The following MYO9A variants were observed in gnomAD, a reference collection of about 807,000 sequenced individuals.
MYO9A encodes myosin IXA.
MYO9A carries 103 observed loss-of-function variants against 293.3 expected under a neutral mutation model. That is an observed-to-expected ratio of 0.35 (90% CI 0.30 to 0.41). The LOEUF (loss-of-function observed/expected upper bound fraction) is 0.41, where lower values mean the gene tolerates loss of function less well. Ranked by LOEUF, MYO9A falls within the 10% of genes least tolerant of loss-of-function variation. MYO9A has a pLI of 1.00. For synonymous variants in MYO9A, 1,001 were observed against 1,035.7 expected (o/e 0.97, Z 0.64); for missense variants, 2,685 against 3,033.0 (o/e 0.89, Z 2.69).
chr15:71,971,134 C>G (rs1051933931), intron 12 of MYO9A, among the ~76,000 whole-genome samples: 1 of 150,970 alleles, frequency 6.6e-6, no homozygotes, highest in Non-Finnish European at 1.5e-5. Flanking sequence ...GCACTCCAGC[C>G]TGGGCGACAG....
At chr15:71,851,981 G>T in intron 36 of MYO9A, 151 bp downstream of exon 36, 2 of 898,194 alleles carry the variant, frequency 2.2e-6, no homozygotes, top group East Asian at 2.8e-5. Flanking sequence ...ATAGGTGACA[G>T]TATACTAGCC....
chr15:72,093,144 A>G (rs1368550700), intron 1 of MYO9A, among the ~76,000 whole-genome samples: 2 of 152,362 alleles, frequency 1.3e-5, no homozygotes, highest in Admixed American at 6.5e-5. Context: ...AAGATCACAT[A>G]GAGAATATAA....
intron 40 of MYO9A, among the ~76,000 whole-genome samples, chr15:71,829,694 T>C (rs2054639126): frequency 6.6e-6 from 1 of 152,126 alleles, no homozygotes; most frequent in Non-Finnish European, 1.5e-5. Flanking sequence ...GACTTTGGCT[T>C]AGCCTAAGAA....
chr15:71,938,966 C>T (rs1347106610), intron 15 of MYO9A, 39 bp from the exon 16 acceptor site: 4 of 1,473,106 alleles, frequency 2.7e-6, no homozygotes, highest in Admixed American at 2.0e-5. Context: ...CAAATCAGTG[C>T]AAAGAAAAAT....
chr15:72,082,532 A>C (rs1596532650), intron 1 of MYO9A, among the ~76,000 whole-genome samples: 2 of 152,028 alleles, frequency 1.3e-5, no homozygotes, highest in African/African-American at 2.4e-5. Flanking sequence ...AATGCCCTTT[A>C]TTTCTTTCCC....
At chr15:72,082,143 TG>T (rs2079565566) in intron 1 of MYO9A, among the ~76,000 whole-genome samples, 1 of 152,240 alleles carries the variant, frequency 6.6e-6, no homozygotes, top group Non-Finnish European at 1.5e-5. Context: ...TTTAACAAAC[TG>T]ATTCTTCCTA....
At chr15:71,853,075 CAG>C (rs1313190241) in intron 35 of MYO9A, among the ~76,000 whole-genome samples, 2 of 149,412 alleles carry the variant, frequency 1.3e-5, no homozygotes, top group Non-Finnish European at 1.5e-5. Flanking sequence ...GCCTGGGCAA[CAG>C]AGCAAGACTG....
chr15:72,109,388 TAAA>T (rs781514196), intron 1 of MYO9A, among the ~76,000 whole-genome samples: 2 of 124,884 alleles, frequency 1.6e-5, no homozygotes, highest in African/African-American at 5.9e-5. Flanking sequence ...AGGCTCTGTC[TAAA>T]AAAAAAAAAA....
At position 71,903,023 on chromosome 15, in the gene MYO9A, A is replaced by G. The variant is rs751755934; in HGVS notation, c.2918T>C (p.Ile973Thr). 1 of 1,591,478 alleles carries G rather than the reference A, an allele frequency of 6.3e-7. No individual in the cohort carries two copies. The highest frequency in any genetic ancestry group is 1.7e-5 in the Admixed American group (1 of 58,340). The part of the protein sequence containing the change: ...SHFHVLLPRN[I>T]IPSKFNIQDF... ...CTGAATGTTAAATTTGGATGGAATA[A>G]TATTTCGGGGAAGAAGTACATGGAA... Residue 973 changes from isoleucine to threonine, a missense_variant, in exon 22 of 42, where the codon ATT (isoleucine) becomes ACT (threonine). Ile to Thr is a moderately conservative substitution (Grantham distance 89). Transcript: ENST00000356056.
chr15:71,977,191 C>T (rs1046345687), intron 12 of MYO9A, among the ~76,000 whole-genome samples: 5 of 152,198 alleles, frequency 3.3e-5, no homozygotes, highest in East Asian at 1.9e-4. Flanking sequence ...TTACACTGCA[C>T]GATCATGGCA....
intron 15 of MYO9A, among the ~76,000 whole-genome samples, chr15:71,944,056 T>C (rs921143222): frequency 2.6e-5 from 4 of 152,132 alleles, no homozygotes; most frequent in Admixed American, 1.3e-4. Flanking sequence ...TTAGCCACTA[T>C]AGACGTATTA....
chr15:71,953,122 C>T (rs965137268), intron 14 of MYO9A, among the ~76,000 whole-genome samples: 1 of 152,058 alleles, frequency 6.6e-6, no homozygotes, highest in Non-Finnish European at 1.5e-5. Flanking sequence ...TTGTACAATA[C>T]GAAAAGTCAA....
Position 72,112,216 on chromosome 15 carries a change from A to T in MYO9A, c.-72+5464T>A, listed in dbSNP as rs28657431. 7.8e-3 allele frequency among the ~76,000 whole-genome samples: 1,182 copies of T among 152,330 alleles called. 14 individuals are homozygous for T. The highest frequency in any genetic ancestry group is 0.025 in the African/African-American group (1,051 of 41,584). On this transcript the variant is annotated intron_variant, in intron 1 of 41. Transcript: ENST00000356056. ...CCAAAATTATTGCTAATTGTAAAAA[A>T]AAATAAATAAATAAAAAAAACACAC...
intron 8 of MYO9A, among the ~76,000 whole-genome samples, chr15:72,003,176 G>A (rs1337596184): frequency 6.6e-6 from 1 of 151,784 alleles, no homozygotes; most frequent in Admixed American, 6.6e-5. Context: ...GGCTGAGGCA[G>A]GAGAATCGCT....
intron 1 of MYO9A, among the ~76,000 whole-genome samples, chr15:72,059,352 C>T (rs1028104169): frequency 2.6e-5 from 4 of 152,142 alleles, no homozygotes; most frequent in African/African-American, 9.7e-5. Context: ...AAGGTTAATG[C>T]TTCTTGGGGC....
chr15:71,888,183 T>A (rs1345442586), intron 26 of MYO9A, 67 bp from the exon 27 acceptor site: 1 of 839,048 alleles, frequency 1.2e-6, no homozygotes, highest in Non-Finnish European at 1.9e-6. Context: ...TAATTTAAAT[T>A]CAGGTTACAG....
intron 39 of MYO9A, among the ~76,000 whole-genome samples, chr15:71,840,249 C>G (rs1250647068): frequency 6.6e-6 from 1 of 152,230 alleles, no homozygotes; most frequent in Non-Finnish European, 1.5e-5. Context: ...CATAAAACTT[C>G]TAAGGCAGAA....
At chr15:71,958,015 C>T (rs2059243458) in intron 14 of MYO9A, among the ~76,000 whole-genome samples, 1 of 152,070 alleles carries the variant, frequency 6.6e-6, no homozygotes, top group Admixed American at 6.6e-5. Context: ...TGTTTCTTGA[C>T]AATTAACTAA....
At chr15:71,869,318 A>ATCACAGCAT (rs1325405348) in intron 32 of MYO9A, among the ~76,000 whole-genome samples, 1 of 152,168 alleles carries the variant, frequency 6.6e-6, no homozygotes, top group African/African-American at 2.4e-5. Flanking sequence ...ACAATGAAAA[A>ATCACAGCAT]TCACAGCATT....
Sources: gnomAD v4.1 joint callset for allele counts (sites outside exome capture counted in the v4.1 genomes callset) on GRCh38, gnomAD v4.1.1 for gene constraint, MANE v1.5 for transcripts, NCBI Gene and HGNC (gene_info 2026-07-23, HGNC 2026-07-21) for gene names.